Variants in LMOD1 observed in about 807,000 individuals in gnomAD.
LMOD1 encodes the protein leiomodin 1, also known as leiomodin-1.
In LMOD1, 8 loss-of-function variants were observed where a neutral mutation model predicts 36.5. The observed-to-expected ratio is 0.22, with a 90% confidence interval of 0.13 to 0.40. The LOEUF is 0.40. Among genes scored for constraint, LMOD1 ranks in the 10% least tolerant of loss-of-function variants. LMOD1 has a pLI of 1.00. For missense variants in LMOD1, 630 were observed against 751.1 expected (o/e 0.84, Z 1.88); for synonymous variants, 284 against 288.7 (o/e 0.98, Z 0.17).
At position 201,937,368 on chromosome 1, in the gene LMOD1, G is replaced by T. The variant is rs113115561; in HGVS notation, c.261+8712C>A. 8.8e-3 allele frequency among the ~76,000 whole-genome samples: 1,345 copies of T among 152,096 alleles called. 20 individuals carry two copies. The highest frequency in any genetic ancestry group is 0.031 in the African/African-American group (1,276 of 41,492). ...AGGCTGAGGCAGGAGGATCCCTTGA[G>T]CTCAGGAGTTTGAAGCTGCAATGAA... On this transcript the variant is annotated intron_variant, in intron 1 of 2. Coordinates refer to ENST00000367288, the MANE Select transcript of LMOD1 (RefSeq NM_012134.3).
intron 1 of LMOD1, among the ~76,000 whole-genome samples, chr1:201,913,168 C>T (rs1418238359): frequency 6.6e-6 from 1 of 152,160 alleles, no homozygotes; most frequent in Non-Finnish European, 1.5e-5. Flanking sequence ...CACCCTTTCT[C>T]CCAAAGGACT....
At chr1:201,910,015 T>A (rs370132866) in intron 1 of LMOD1, among the ~76,000 whole-genome samples, 2 of 152,322 alleles carry the variant, frequency 1.3e-5, no homozygotes, top group African/African-American at 4.8e-5. Flanking sequence ...ATAAGAATGT[T>A]AATCACAATA....
At chr1:201,907,256 C>T (rs925595370) in intron 1 of LMOD1, among the ~76,000 whole-genome samples, 1 of 152,214 alleles carries the variant, frequency 6.6e-6, no homozygotes, top group Non-Finnish European at 1.5e-5. Flanking sequence ...ACCTCTGAAC[C>T]TGTTGTCTCA....
At chr1:201,927,904 A>G (rs1681856305) in intron 1 of LMOD1, among the ~76,000 whole-genome samples, 1 of 152,194 alleles carries the variant, frequency 6.6e-6, no homozygotes, top group South Asian at 2.1e-4. Flanking sequence ...AAGTTCATAC[A>G]TTGGAAACTC....
chr1:201,946,001 G>T, intron 1 of LMOD1, 79 bp downstream of exon 1: 1 of 1,408,178 alleles, frequency 7.1e-7, no homozygotes, highest in Non-Finnish European at 9.8e-7. Flanking sequence ...TTCTAAGGAA[G>T]GAAGCATCCT....
intron 1 of LMOD1, among the ~76,000 whole-genome samples, chr1:201,924,587 G>GCAAGGAA (rs1681779932): frequency 1.5e-5 from 2 of 133,906 alleles, no homozygotes; most frequent in African/African-American, 5.7e-5. Flanking sequence ...GAAGGAAGGA[G>GCAAGGAA]GGAGGGAGGG....
rs115975279 is a variant in LMOD1, at chr1:201,935,044, C to A, written c.261+11036G>T. On this transcript the variant is annotated intron_variant, in intron 1 of 2. Coordinates refer to ENST00000367288, the MANE Select transcript of LMOD1 (RefSeq NM_012134.3). ...CAGACTGATGAATCCCAAATTTAAT[C>A]TCCCATCCCCTCTTCCCACTGAGCC... Among the ~76,000 whole-genome samples the A allele has an allele frequency of 9.2e-3, 1,402 of 152,344 alleles. 23 individuals are homozygous for A. The highest frequency in any genetic ancestry group is 0.03 in the African/African-American group (1,239 of 41,574).
chr1:201,936,783 C>G (rs1387078744), intron 1 of LMOD1, among the ~76,000 whole-genome samples: 1 of 151,788 alleles, frequency 6.6e-6, no homozygotes, highest in Admixed American at 6.6e-5. Flanking sequence ...CTGAAAAATA[C>G]AAAAAAATTA....
chr1:201,924,721 GAAA>G (rs1681798801), intron 1 of LMOD1, among the ~76,000 whole-genome samples: 4 of 114,350 alleles, frequency 3.5e-5, no homozygotes, highest in African/African-American at 1.2e-4. Flanking sequence ...AAGAAAGAAA[GAAA>G]GAAAGAAAAG....
At position 201,916,877 on chromosome 1, in the gene LMOD1, C is replaced by T. The variant is rs986302324; in HGVS notation, c.262-16126G>A. Among the ~76,000 whole-genome samples the T allele has an allele frequency of 3.3e-5, 5 of 152,184 alleles. 1 individual carries two copies. The highest frequency in any genetic ancestry group is 4.1e-4 in the South Asian group (2 of 4,832). On this transcript the variant is annotated intron_variant, in intron 1 of 2. Coordinates refer to ENST00000367288, the MANE Select transcript of LMOD1 (RefSeq NM_012134.3). ...CCTCCAGCTCCAGCATAAACAGAAA[C>T]GCCATGATTCATTTTTACCTCCCAA... is the stretch of plus-strand genomic sequence containing the variant.
At chr1:201,923,124 C>A (rs1681734322) in intron 1 of LMOD1, among the ~76,000 whole-genome samples, 1 of 152,068 alleles carries the variant, frequency 6.6e-6, no homozygotes, top group Non-Finnish European at 1.5e-5. Context: ...TGCGCCAGGC[C>A]AGGAGTGACT....
At chr1:201,936,283 C>T (rs988431441) in intron 1 of LMOD1, among the ~76,000 whole-genome samples, 27 of 151,546 alleles carry the variant, frequency 1.8e-4, no homozygotes, top group African/African-American at 2.9e-4. Context: ...ACTCTTGCCC[C>T]CCTACAGTCT....
chr1:201,902,003 C>A (rs1681339436), intron 1 of LMOD1, among the ~76,000 whole-genome samples: 1 of 148,994 alleles, frequency 6.7e-6, no homozygotes. Flanking sequence ...TGTTATGTTG[C>A]CCAGGCTGGA....
At chr1:201,924,246 C>A (rs1681760141) in intron 1 of LMOD1, among the ~76,000 whole-genome samples, 1 of 149,836 alleles carries the variant, frequency 6.7e-6, no homozygotes. Context: ...ATGGCGTGAA[C>A]CCGGGAGGCG....
At chr1:201,924,901 A>G (rs554521250) in intron 1 of LMOD1, among the ~76,000 whole-genome samples, 2 of 152,236 alleles carry the variant, frequency 1.3e-5, no homozygotes, top group South Asian at 2.1e-4. Flanking sequence ...AAGAAAAAAG[A>G]GAGAGACAAA....
At chr1:201,917,277 C>A (rs948327573) in intron 1 of LMOD1, among the ~76,000 whole-genome samples, 2 of 152,174 alleles carry the variant, frequency 1.3e-5, no homozygotes, top group South Asian at 4.1e-4. Flanking sequence ...CATCAAGAGG[C>A]ACCAGAAAGG....
rs1316070045 is a variant in LMOD1 at position 201,900,461 on chromosome 1, G to A, written c.552C>T (p.Ala184=). The part of the protein sequence containing the change: ...KDGRGEERAV[A]TKKEEEKKGS... Reference sequence around the variant, plus strand: ...CTTTCTTCTCCTCTTCCTTCTTGGTGGCCACTGCCCTCTCCTCTCCTCTCC... The same window carrying A: ...CTTTCTTCTCCTCTTCCTTCTTGGTAGCCACTGCCCTCTCCTCTCCTCTCC... Residue 184 remains alanine (A), a synonymous_variant, in exon 2 of 3, where the codon GCC becomes GCT. Coordinates refer to ENST00000367288, the MANE Select transcript of LMOD1 (RefSeq NM_012134.3). 11 of 1,608,356 alleles carry A rather than the reference G, an allele frequency of 6.8e-6. No individual in the cohort carries two copies. The highest frequency in any genetic ancestry group is 1.3e-5 in the African/African-American group (1 of 74,622).
intron 1 of LMOD1, among the ~76,000 whole-genome samples, chr1:201,936,604 C>T (rs1464227780): frequency 6.6e-6 from 1 of 152,098 alleles, no homozygotes. Flanking sequence ...AGCTTTTCCC[C>T]ACATCTTCCC....
At chr1:201,927,371 T>G (rs902366632) in intron 1 of LMOD1, among the ~76,000 whole-genome samples, 3 of 152,064 alleles carry the variant, frequency 2.0e-5, no homozygotes, top group East Asian at 3.9e-4. Flanking sequence ...ATTGAGACCA[T>G]CCTGGCCAAC....
Sources: allele counts gnomAD v4.1 joint callset (sites outside exome capture counted in the v4.1 genomes callset), GRCh38; gene constraint gnomAD v4.1.1; transcripts MANE v1.5; gene names NCBI Gene and HGNC (gene_info 2026-07-23, HGNC 2026-07-21).